Variants in FLYWCH1 observed in about 807,000 individuals in gnomAD.
The protein encoded by FLYWCH1 is FLYWCH-type zinc finger 1.
FLYWCH1 carries 75 observed loss-of-function variants against 66.4 expected under a neutral mutation model. The ratio of observed to expected loss-of-function variants is 1.13; its 90% CI spans 0.94 to 1.37. FLYWCH1 has a LOEUF of 1.37. Among genes scored for constraint, FLYWCH1 ranks in the 40% most tolerant of loss-of-function variants. The pLI, the probability that FLYWCH1 is intolerant of heterozygous loss-of-function variation, is 0.00. For missense variants in FLYWCH1, 1,334 were observed against 1,001.8 expected, an observed-to-expected ratio of 1.33 and a Z score of -4.48; for synonymous variants, 595 against 429.9, an observed-to-expected ratio of 1.38 and a Z score of -4.75.
chr16:2,914,212 C>T lies in FLYWCH1; in HGVS notation c.-151C>T, dbSNP rs1261241833. 2.6e-5 allele frequency: 4 copies of T among 152,246 alleles called. No homozygotes were observed. The highest frequency in any genetic ancestry group is 3.8e-4 in the East Asian group (2 of 5,198). The allele number at this position is 152,246 out of a possible 1,614,324, so 9.4% of individuals were successfully genotyped here. ...CCAGAGAAGTTACGGGATTTGCCCC[C>T]GGGGCTCCTGCCCAGCAAGCCAGCG... On this transcript the variant is annotated 5_prime_UTR_variant, in exon 2 of 10. Transcript: ENST00000253928.
At chr16:2,945,854 G>A (rs891669788) in intron 9 of FLYWCH1, among the ~76,000 whole-genome samples, 12 of 151,788 alleles carry the variant, frequency 7.9e-5, no homozygotes, top group African/African-American at 1.9e-4. Flanking sequence ...AAAATTAGCC[G>A]AGCGTGGTGG....
rs1272326229 is a variant in FLYWCH1, at chr16:2,934,089, T to G, written c.1513+110T>G. On this transcript the variant is annotated intron_variant, in intron 6 of 9. Transcript: ENST00000253928. ...CCTGGCAAACGTCCTCTTCCCTTCTTTGAACATCCTAGAAGGAACTATGGC... is the reference window on the plus strand; with the variant it reads ...CCTGGCAAACGTCCTCTTCCCTTCTGTGAACATCCTAGAAGGAACTATGGC... 7.7e-6 allele frequency: 10 copies of G among 1,292,932 alleles called. No homozygotes were observed. The African/African-American group carries it at 1.0e-4, about 13-fold the overall frequency. 80.1% of individuals were successfully genotyped at this position (1,292,932 alleles called of 1,614,324 possible).
At position 2,937,303 on chromosome 16, in the gene FLYWCH1, T is replaced by TGCCACCCACC. The variant is rs1478224471; in HGVS notation, c.1698_1707dup (p.Asp570ProfsTer95). Reference sequence around the variant, plus strand: ...GCGGGTCATGGTCATGCGCAGGCACTGCCACCCACCGGACCTGGGCGGCCT... The same window carrying TGCCACCCACC: ...GCGGGTCATGGTCATGCGCAGGCACTGCCACCCACCGCCACCCACCGGACCTGGGCGGCCT... On this transcript the variant is annotated frameshift_variant, in exon 7 of 10. Transcript: ENST00000253928. LOFTEE classifies it high-confidence loss of function. The TGCCACCCACC allele has an allele frequency of 6.2e-7, 1 of 1,604,424 alleles. No homozygotes were observed. The highest frequency in any genetic ancestry group is 8.5e-7 in the Non-Finnish European group (1 of 1,176,420).
chr16:2,936,654 C>T (rs1056100920), intron 6 of FLYWCH1: 3 of 459,388 alleles, frequency 6.5e-6, no homozygotes, highest in African/African-American at 4.0e-5. Flanking sequence ...GTGGACGCTG[C>T]TCCCTGCCTC....
chr16:2,930,200 C>A (rs2100062792), intron 3 of FLYWCH1, among the ~76,000 whole-genome samples, 190 bp downstream of exon 3: 1 of 152,088 alleles, frequency 6.6e-6, no homozygotes, highest in Non-Finnish European at 1.5e-5. Context: ...CTGGGAGTTG[C>A]AGTGACGTGC....
chr16:2,920,547 C>G (rs558550385), intron 2 of FLYWCH1, among the ~76,000 whole-genome samples: 2 of 151,478 alleles, frequency 1.3e-5, no homozygotes, highest in African/African-American at 4.8e-5. Flanking sequence ...CCAAGAGACC[C>G]TTGGAATCTG....
intron 2 of FLYWCH1, among the ~76,000 whole-genome samples, chr16:2,925,846 G>A (rs773457719): frequency 2.0e-5 from 3 of 152,180 alleles, no homozygotes; most frequent in Non-Finnish European, 4.4e-5. Context: ...GTTGTCTCCG[G>A]AGCCGACCAG....
At chr16:2,934,140 C>CA (rs1013219011) in intron 6 of FLYWCH1, among the ~76,000 whole-genome samples, 161 bp downstream of exon 6, 1 of 152,168 alleles carries the variant, frequency 6.6e-6, no homozygotes, top group African/African-American at 2.4e-5. Flanking sequence ...CTTGGCCCCC[C>CA]TGATGCCGCT....
intron 2 of FLYWCH1, chr16:2,923,109 G>T (rs2070435328): frequency 2.5e-6 from 1 of 406,870 alleles, no homozygotes; most frequent in Non-Finnish European, 4.7e-6. Context: ...TGGCTGTTGT[G>T]AGGTTCTTTT....
chr16:2,939,712 TTTTGAGAAAAGGATTTC>T lies in FLYWCH1; in HGVS notation c.2051-310_2051-294del, dbSNP rs547957792. On this transcript the variant is annotated intron_variant, in intron 8 of 9. Transcript: ENST00000253928. ...AAGACCCTGTCTTTACAAGAAATTT[TTTTGAGAAAAGGATTTC>T]TTTGAGAAAGCCACTATCGAGCTTA... 9.0e-4 allele frequency: 258 copies of T among 285,140 alleles called. 1 individual carries two copies. The highest frequency in any genetic ancestry group is 5.6e-3 in the African/African-American group (253 of 44,988). 17.7% of individuals were successfully genotyped at this position (285,140 alleles called of 1,614,324 possible).
chr16:2,944,687 G>A (rs773905741), intron 9 of FLYWCH1, among the ~76,000 whole-genome samples: 2 of 151,866 alleles, frequency 1.3e-5, no homozygotes, highest in Non-Finnish European at 2.9e-5. Context: ...GCTAGGCATG[G>A]TGGCGCCAGC....
chr16:2,936,251 G>A (rs577357158), intron 6 of FLYWCH1: 21 of 376,640 alleles, frequency 5.6e-5, no homozygotes, highest in Admixed American at 1.3e-4. Flanking sequence ...GGGATAAAGC[G>A]TGCCCCATGG....
intron 6 of FLYWCH1, chr16:2,934,483 C>G: frequency 2.8e-6 from 1 of 363,430 alleles, no homozygotes; most frequent in Non-Finnish European, 5.5e-6. Flanking sequence ...TTTATCCACA[C>G]GGTCGGCCCC....
chr16:2,920,404 A>G (rs2070327728), intron 2 of FLYWCH1, among the ~76,000 whole-genome samples: 1 of 151,734 alleles, frequency 6.6e-6, no homozygotes, highest in Non-Finnish European at 1.5e-5. Context: ...AATCCCAGCT[A>G]CTCAGGAGGC....
At chr16:2,919,325 G>T (rs1466359055) in intron 2 of FLYWCH1, among the ~76,000 whole-genome samples, 1 of 151,208 alleles carries the variant, frequency 6.6e-6, no homozygotes, top group Non-Finnish European at 1.5e-5. Flanking sequence ...GAGTACAGTG[G>T]TATGGTCTCG....
intron 7 of FLYWCH1, among the ~76,000 whole-genome samples, chr16:2,937,736 T>TTCTAG (rs1346830985): frequency 6.6e-6 from 1 of 152,126 alleles, no homozygotes; most frequent in African/African-American, 2.4e-5. Flanking sequence ...CCCACACTGC[T>TTCTAG]TCTAGTCTCA....
chr16:2,938,083 G>C, intron 7 of FLYWCH1, 101 bp from the exon 8 acceptor site: 3 of 1,204,278 alleles, frequency 2.5e-6, no homozygotes, highest in South Asian at 2.9e-5. Context: ...CTAGGGGATC[G>C]CAGATTCCTG....
In FLYWCH1 at chr16:2,933,248, G is replaced by C. The variant is rs1567336478; in HGVS notation, c.915G>C (p.Arg305=). The change falls in exon 5 of 10, where the codon CGG becomes CGC. Residue 305 remains arginine (R), a synonymous_variant. Transcript: ENST00000253928. Reference sequence around the variant, plus strand: ...GGGACAAGGTGTATTGGACCTGCCGGGACCACGCGCTGCACGGCTGCCGGA... The same window carrying C: ...GGGACAAGGTGTATTGGACCTGCCGCGACCACGCGCTGCACGGCTGCCGGA... ...AVGDKVYWTC[R]DHALHGCRSR... The C allele has an allele frequency of 1.2e-6, 2 of 1,613,578 alleles. No individual in the cohort carries two copies.
chr16:2,920,638 A>C (rs1371007204), intron 2 of FLYWCH1, among the ~76,000 whole-genome samples: 1 of 151,936 alleles, frequency 6.6e-6, no homozygotes, highest in Non-Finnish European at 1.5e-5. Context: ...GCTGGAGTGC[A>C]ATAGCGTGAG....
Sources: allele counts gnomAD v4.1 joint callset (sites outside exome capture counted in the v4.1 genomes callset), GRCh38; gene constraint gnomAD v4.1.1; transcripts MANE v1.5; gene names NCBI Gene and HGNC (gene_info 2026-07-23, HGNC 2026-07-21).